Variants in GPR21 observed in about 807,000 individuals in gnomAD.
GPR21 encodes probable G protein-coupled receptor 21.
In GPR21, 9 loss-of-function variants were observed where a neutral mutation model predicts 21.5. The observed-to-expected ratio is 0.42, with a 90% CI of 0.25 to 0.73. GPR21 has a LOEUF of 0.73. GPR21 is among the 30% of genes least tolerant of loss of function. The pLI, the probability that GPR21 is intolerant of heterozygous loss-of-function variation, is 0.27. For missense variants in GPR21, 416 were observed against 428.9 expected (o/e 0.97, Z 0.27); for synonymous variants, 169 against 159.3 (o/e 1.06, Z -0.46).
chr9:123,035,370 T>C lies in GPR21; in HGVS notation c.804T>C (p.Tyr268=). 6.2e-7 allele frequency: 1 copy of C among 1,614,114 alleles called. No homozygotes were observed. The highest frequency in any genetic ancestry group is 1.7e-5 in the Admixed American group (1 of 60,012). ...TATTTTACATCCTCTGGTTGCCATA[T>C]ATCATCTACTTCTTGTTGGAAAGCT... ...TSVFYILWLP[Y]IIYFLLESST... Residue 268 remains tyrosine, a synonymous_variant, in exon 2 of 2, where the codon TAT becomes TAC. Coordinates refer to ENST00000616002, the MANE Select transcript of GPR21 (RefSeq NM_005294.3).
chr9:123,035,282 C>T lies in GPR21; in HGVS notation c.716C>T (p.Thr239Ile). The T allele has an allele frequency of 6.2e-7, 1 of 1,614,156 alleles. No homozygotes were observed. The highest frequency in any genetic ancestry group is 8.5e-7 in the Non-Finnish European group (1 of 1,180,022). The change falls in exon 2 of 2, where the codon ACT becomes ATT. Residue 239 changes from threonine to isoleucine, a missense_variant. Thr to Ile is a moderately conservative substitution (Grantham distance 89, BLOSUM62 -1). Transcript: ENST00000616002. ...CGCTTCAGCAGCCAGAGTGGGGAGA[C>T]TGGGGAAGTGCAGGCCTGTCCTGAT... is the stretch of plus-strand genomic sequence containing the variant. Reference protein sequence around the residue: ...QARFSSQSGETGEVQACPDKR... With the variant: ...QARFSSQSGEIGEVQACPDKR...
chr9:123,039,644 T>C (rs1239897976), downstream of GPR21, among the ~76,000 whole-genome samples: 2 of 152,208 alleles, frequency 1.3e-5, no homozygotes, highest in East Asian at 1.9e-4. Context: ...TAGATAACTT[T>C]GCTTCTGGAA....
chr9:123,035,126 C>A lies in GPR21; in HGVS notation c.560C>A (p.Thr187Asn). 12 of 1,613,754 alleles carry A rather than the reference C, an allele frequency of 7.4e-6. No homozygotes were observed. Among genetic ancestry groups the A allele is most frequent in the African/African-American group, 1.3e-5 (1 of 75,020 alleles). ...CAGTGGTGTGCGGAGTCCTGGCACA[C>A]CGACTCCTACTTCACCCTGTTCATC... ...VFQWCAESWH[T>N]DSYFTLFIVM... The change falls in exon 2 of 2, where the codon ACC becomes AAC. Residue 187 changes from threonine to asparagine, a missense_variant. Transcript: ENST00000616002.
the GPR21 span, among the ~76,000 whole-genome samples, chr9:123,042,737 CAGAAT>C: frequency 6.6e-6 from 1 of 151,936 alleles, no homozygotes; most frequent in Non-Finnish European, 1.5e-5. Flanking sequence ...TCTTCAGAAA[CAGAAT>C]AGAGGAAAAG....
At chr9:123,043,504 T>C in the GPR21 span, among the ~76,000 whole-genome samples, 114,733 of 151,940 alleles carry the variant, frequency 0.76, 45,274 homozygotes, top group Middle Eastern at 0.89. Context: ...CAGAAAAAAA[T>C]AGAAAATTGA....
At chr9:123,042,916 A>C in the GPR21 span, among the ~76,000 whole-genome samples, 2 of 152,186 alleles carry the variant, frequency 1.3e-5, no homozygotes, top group Non-Finnish European at 2.9e-5. Flanking sequence ...AAGCTTCTTG[A>C]ATGGGGTGGG....
Position 123,035,315 on chromosome 9 carries a change from A to T in GPR21, c.749A>T (p.Tyr250Phe). The change falls in exon 2 of 2, where the codon TAT (tyrosine) becomes TTT (phenylalanine). Residue 250 changes from tyrosine to phenylalanine, a missense_variant. Physicochemically the swap from Tyr to Phe is conservative, Grantham distance 22 (BLOSUM62 3). Coordinates refer to ENST00000616002, the MANE Select transcript of GPR21 (RefSeq NM_005294.3). Reference sequence around the variant, plus strand: ...GTGCAGGCCTGTCCTGATAAGCGCTATGCCATGGTCCTGTTTCGAATCACT... The same window carrying T: ...GTGCAGGCCTGTCCTGATAAGCGCTTTGCCATGGTCCTGTTTCGAATCACT... ...GEVQACPDKRYAMVLFRITSV... is the reference protein window; with the variant it reads ...GEVQACPDKRFAMVLFRITSV... 6.2e-7 allele frequency: 1 copy of T among 1,614,196 alleles called. No individual in the cohort carries two copies. The highest frequency in any genetic ancestry group is 8.5e-7 in the Non-Finnish European group (1 of 1,180,030).
chr9:123,043,483 A>G, the GPR21 span, among the ~76,000 whole-genome samples: 4 of 152,210 alleles, frequency 2.6e-5, no homozygotes, highest in African/African-American at 7.2e-5. Flanking sequence ...AAGATAGGCA[A>G]TTAATAACTT....
downstream of GPR21, among the ~76,000 whole-genome samples, chr9:123,037,913 T>C (rs2032749564): frequency 6.6e-6 from 1 of 152,184 alleles, no homozygotes; most frequent in South Asian, 2.1e-4. Context: ...AAAAAAAATG[T>C]ATTTTTAGAT....
At position 123,033,887 on chromosome 9, in the gene GPR21, T is replaced by A. The variant is rs182569094; in HGVS notation, c.-397+145T>A. The A allele has an allele frequency of 3.9e-5, 6 of 152,350 alleles. No homozygotes were observed. In the East Asian group the frequency reaches 1.2e-3, roughly 29 times the overall value. The allele number at this position is 152,350 out of a possible 1,614,324, so 9.4% of individuals were successfully genotyped here. A position where few individuals can be genotyped will look rare whatever the true frequency, so the allele number is the denominator to read the frequency against. ...TTGTAGTGAAAGGTTTTCCTAAATA[T>A]TATAAGCAAATTCCTTTTCTCCCCC... On this transcript the variant is annotated intron_variant, in intron 1 of 1. Transcript: ENST00000616002.
At chr9:123,044,852 T>C in the GPR21 span, among the ~76,000 whole-genome samples, 1 of 152,212 alleles carries the variant, frequency 6.6e-6, no homozygotes, top group Admixed American at 6.5e-5. Flanking sequence ...CTGATTCCTC[T>C]CCTCACCCCA....
chr9:123,033,818 C>T (rs937615976), intron 1 of GPR21, 76 bp downstream of exon 1: 80 of 152,168 alleles, frequency 5.3e-4, no homozygotes, highest in African/African-American at 1.8e-3. Flanking sequence ...ATATTGGAAT[C>T]AATGAAGAAA....
chr9:123,037,028 T>C (rs1475923375), downstream of GPR21, among the ~76,000 whole-genome samples: 1 of 152,170 alleles, frequency 6.6e-6, no homozygotes, highest in Non-Finnish European at 1.5e-5. Context: ...ACTTTTCTGC[T>C]GTTCTGGAAA....
At chr9:123,044,986 G>C in the GPR21 span, among the ~76,000 whole-genome samples, 1 of 152,150 alleles carries the variant, frequency 6.6e-6, no homozygotes, top group Admixed American at 6.5e-5. Context: ...TATATGACAT[G>C]AGAAAGCCCT....
At chr9:123,033,907 TC>T (rs1432012746) in intron 1 of GPR21, among the ~76,000 whole-genome samples, 165 bp downstream of exon 1, 2 of 152,208 alleles carry the variant, frequency 1.3e-5, no homozygotes. Context: ...ATTCCTTTTC[TC>T]CCCCGTCTCA....
the GPR21 span, among the ~76,000 whole-genome samples, chr9:123,043,824 G>A: frequency 6.6e-5 from 10 of 152,078 alleles, no homozygotes; most frequent in Admixed American, 3.9e-4. Context: ...TAAGGAATAG[G>A]GTATGAAGAG....
the GPR21 span, among the ~76,000 whole-genome samples, chr9:123,048,891 T>C: frequency 1.3e-5 from 2 of 152,240 alleles, no homozygotes; most frequent in African/African-American, 2.4e-5. Flanking sequence ...TTATGTCTTA[T>C]TTATACATGA....
chr9:123,042,313 G>C, the GPR21 span, among the ~76,000 whole-genome samples: 2 of 152,080 alleles, frequency 1.3e-5, no homozygotes, highest in African/African-American at 4.8e-5. Flanking sequence ...GTTTTTTATT[G>C]CTTCACTTTT....
downstream of GPR21, among the ~76,000 whole-genome samples, chr9:123,039,464 C>A (rs1379302866): frequency 6.6e-6 from 1 of 152,122 alleles, no homozygotes; most frequent in Admixed American, 6.5e-5. Context: ...GTAGTCACAC[C>A]AGCCTTCTCC....
Sources: gnomAD v4.1 joint callset for allele counts (sites outside exome capture counted in the v4.1 genomes callset) on GRCh38, gnomAD v4.1.1 for gene constraint, MANE v1.5 for transcripts, NCBI Gene and HGNC (gene_info 2026-07-23, HGNC 2026-07-21) for gene names.